The following SYCP2 variants were observed in gnomAD, a reference collection of about 807,000 sequenced individuals.
The protein encoded by SYCP2 is synaptonemal complex protein 2.
In SYCP2, 55 loss-of-function variants were observed where a neutral mutation model predicts 211.3. That is an observed-to-expected ratio of 0.26 (90% CI 0.21 to 0.33). The LOEUF (loss-of-function observed/expected upper bound fraction) is 0.33. Ranked by LOEUF, SYCP2 falls within the 10% of genes least tolerant of loss-of-function variation. The pLI is 1.00. For missense variants in SYCP2, 1,731 were observed against 1,752.0 expected (o/e 0.99, Z 0.21); for synonymous variants, 570 against 555.2 (o/e 1.03, Z -0.37).
chr20:59,893,354 C>G (rs1267475053), intron 21 of SYCP2, among the ~76,000 whole-genome samples, 155 bp from the exon 22 acceptor site: 1 of 151,784 alleles, frequency 6.6e-6, no homozygotes, highest in East Asian at 1.9e-4. Context: ...TTCTGGGGAA[C>G]AAAGGTGGTA....
chr20:59,868,744 G>A (rs753859204), intron 37 of SYCP2, 91 bp downstream of exon 37: 25 of 1,290,540 alleles, frequency 1.9e-5, no homozygotes, highest in East Asian at 1.7e-4. Context: ...GTTGAATAAC[G>A]GTATGACTTA....
chr20:59,875,218 G>A, intron 34 of SYCP2, 53 bp downstream of exon 34: 3 of 1,157,092 alleles, frequency 2.6e-6, no homozygotes, highest in East Asian at 2.5e-5. Context: ...CATAATTAGA[G>A]TTATAGAAAA....
Position 59,875,337 on chromosome 20 carries a change from C to T in SYCP2, c.3283G>A (p.Asp1095Asn). ...NSSLLKDAIRDNCLDLSPRSL... is the reference protein window; with the variant it reads ...NSSLLKDAIRNNCLDLSPRSL... ...CTGGGAGATAAGTCAAGGCAATTAT[C>T]TCGTATAGCATCTTTTAGTAGAGAT... The change falls in exon 34 of 45, where the codon GAT (aspartate) becomes AAT (asparagine). Residue 1095 changes from aspartate to asparagine, a missense_variant. Asp to Asn is a conservative substitution (Grantham distance 23, BLOSUM62 1). This residue lies in a region of SYCP2 where 1,387 missense variants were observed against 1,351.3 expected (regional missense o/e 1.03). Coordinates refer to ENST00000357552, the MANE Select transcript of SYCP2 (RefSeq NM_014258.4). 1 of 1,612,168 alleles carries T rather than the reference C, an allele frequency of 6.2e-7. No individual in the cohort carries two copies. Among genetic ancestry groups the T allele is most frequent in the Non-Finnish European group, 8.5e-7 (1 of 1,178,966 alleles).
chr20:59,893,249 AG>A, intron 21 of SYCP2, 50 bp from the exon 22 acceptor site: 1 of 1,230,036 alleles, frequency 8.1e-7, no homozygotes, highest in Admixed American at 1.9e-5. Flanking sequence ...TGCAGTTGGC[AG>A]GGGGATAGGG....
intron 26 of SYCP2, 101 bp downstream of exon 26, chr20:59,885,827 C>T: frequency 1.1e-6 from 1 of 898,000 alleles, no homozygotes; most frequent in Non-Finnish European, 1.7e-6. Context: ...ATTCTGAAAA[C>T]ATCGTATCAA....
intron 10 of SYCP2, 126 bp from the exon 11 acceptor site, chr20:59,914,377 TATTA>T: frequency 2.1e-6 from 1 of 471,810 alleles, no homozygotes; most frequent in Non-Finnish European, 3.6e-6. Context: ...TTGATTAATC[TATTA>T]ATATTTTCTT....
At position 59,882,087 on chromosome 20, in the gene SYCP2, ATACT is replaced by A. The variant is rs769967300; in HGVS notation, c.2600+4_2600+7del. ...AAGAAAATGAAAAATATTACAAAAA[ATACT>A]TACACTGGGCATTCAGAAGTAACAT... On this transcript the variant is annotated splice_donor_5th_base_variant and intron_variant, in intron 27 of 44. Transcript: ENST00000357552. The A allele has an allele frequency of 4.3e-6, 7 of 1,611,690 alleles. No homozygotes were observed. In the South Asian group the frequency reaches 4.4e-5, roughly 10 times the overall value.
intron 35 of SYCP2, 67 bp downstream of exon 35, chr20:59,873,789 G>T: frequency 7.4e-7 from 1 of 1,346,192 alleles, no homozygotes; most frequent in Non-Finnish European, 1.0e-6. Context: ...TGATTAAGAT[G>T]ATAGGGAAAA....
intron 15 of SYCP2, among the ~76,000 whole-genome samples, chr20:59,906,280 T>A (rs897211695): frequency 6.6e-6 from 1 of 152,120 alleles, no homozygotes; most frequent in Non-Finnish European, 1.5e-5. Context: ...GGAAGACTTA[T>A]ACTGACTGAC....
In SYCP2 at chr20:59,892,022, G is replaced by C. The variant is rs1396069987; in HGVS notation, c.2332C>G (p.Leu778Val). The C allele has an allele frequency of 3.1e-6, 5 of 1,602,662 alleles. No individual in the cohort carries two copies. The highest frequency in any genetic ancestry group is 4.3e-6 in the Non-Finnish European group (5 of 1,176,064). Residue 778 changes from leucine to valine, a missense_variant, in exon 24 of 45, where the codon CTT (leucine) becomes GTT (valine). Physicochemically the swap from Leu to Val is conservative, Grantham distance 32 (BLOSUM62 1). Coordinates refer to ENST00000357552, the MANE Select transcript of SYCP2 (RefSeq NM_014258.4). ...RKAEKELTSE[L>V]NSWDSKQKKM... ...TTTTGTTTCGAATCCCAGGAATTAA[G>C]CTCAGAAGTCAATTCTTTCTCTGCT...
chr20:59,920,507 T>A lies in SYCP2; in HGVS notation c.169-20A>T. The A allele has an allele frequency of 6.4e-7, 1 of 1,558,372 alleles. No individual in the cohort carries two copies. Among genetic ancestry groups the A allele is most frequent in the Non-Finnish European group, 8.8e-7 (1 of 1,140,238 alleles). Reference sequence around the variant, plus strand: ...AAGTTCCTGAAATAAAAGGTATACATTAAAATTTCTGTAAACACAAAACAG... The same window carrying A: ...AAGTTCCTGAAATAAAAGGTATACAATAAAATTTCTGTAAACACAAAACAG... On this transcript the variant is annotated intron_variant, in intron 4 of 44. Transcript: ENST00000357552.
chr20:59,905,399 A>G (rs113614901), intron 15 of SYCP2, among the ~76,000 whole-genome samples: 11 of 152,228 alleles, frequency 7.2e-5, no homozygotes, highest in Non-Finnish European at 8.8e-5. Context: ...CAGTTGAAGT[A>G]TATCTATACA....
At chr20:59,895,709 T>C in intron 19 of SYCP2, 112 bp from the exon 20 acceptor site, 1 of 1,277,020 alleles carries the variant, frequency 7.8e-7, no homozygotes, top group Non-Finnish European at 1.1e-6. Flanking sequence ...GGTTCCCAGG[T>C]TTCTGGCTTA....
intron 5 of SYCP2, 55 bp downstream of exon 5, chr20:59,920,304 G>C (rs1468799654): frequency 1.4e-6 from 2 of 1,402,302 alleles, no homozygotes; most frequent in Non-Finnish European, 1.9e-6. Flanking sequence ...TTACTAGAAA[G>C]CATATCTTTT....
At chr20:59,864,490 A>G in intron 44 of SYCP2, 102 bp from the exon 45 acceptor site, 1 of 747,404 alleles carries the variant, frequency 1.3e-6, no homozygotes, top group South Asian at 1.9e-5. Context: ...TTAGTGATTC[A>G]TTTTAAAACA....
intron 20 of SYCP2, among the ~76,000 whole-genome samples, chr20:59,894,491 T>C (rs1283974461): frequency 6.6e-6 from 1 of 151,968 alleles, no homozygotes; most frequent in Non-Finnish European, 1.5e-5. Context: ...CACATACCCA[T>C]TTAAATTAAA....
At chr20:59,930,016 A>G (rs1167074826) in intron 2 of SYCP2, among the ~76,000 whole-genome samples, 3 of 152,084 alleles carry the variant, frequency 2.0e-5, no homozygotes, top group African/African-American at 7.2e-5. Flanking sequence ...GGCCCCTGCT[A>G]TGCGCTCTAT....
At chr20:59,930,652 G>A (rs919376367) in intron 2 of SYCP2, among the ~76,000 whole-genome samples, 2 of 152,052 alleles carry the variant, frequency 1.3e-5, no homozygotes, top group African/African-American at 4.8e-5. Flanking sequence ...CATGAACTAC[G>A]TGAACATGAT....
At chr20:59,918,521 C>A (rs1297127319) in intron 7 of SYCP2, among the ~76,000 whole-genome samples, 2 of 152,140 alleles carry the variant, frequency 1.3e-5, no homozygotes, top group East Asian at 1.9e-4. Flanking sequence ...TTTAATTGTG[C>A]AACTGGGAAG....
Sources: gnomAD v4.1 joint callset for allele counts (sites outside exome capture counted in the v4.1 genomes callset) on GRCh38, gnomAD v4.1.1 for gene constraint, gnomAD v4.1.1 regional missense constraint, MANE v1.5 for transcripts, NCBI Gene and HGNC (gene_info 2026-07-23, HGNC 2026-07-21) for gene names.